Variants in GPRIN3 observed in about 807,000 individuals in gnomAD.
GPRIN3 encodes GPRIN family member 3, also known as G protein-regulated inducer of neurite outgrowth 3.
A neutral mutation model predicts 13.7 loss-of-function variants in GPRIN3; 12 were observed. The ratio of observed to expected loss-of-function variants is 0.87; its 90% confidence interval spans 0.56 to 1.42. The LOEUF (loss-of-function observed/expected upper bound fraction) is 1.42. Ranked by LOEUF, GPRIN3 falls within the 40% of genes most tolerant of loss-of-function variation. The pLI, the probability that GPRIN3 is intolerant of heterozygous loss-of-function variation, is 0.00. For missense variants in GPRIN3, 1,009 were observed against 958.7 expected, an observed-to-expected ratio of 1.05 and a Z score of -0.69; for synonymous variants, 377 against 372.7, an observed-to-expected ratio of 1.01 and a Z score of -0.13.
rs780712548 is a variant in GPRIN3, at chr4:89,248,614, C to T, written c.1497G>A (p.Thr499=). Residue 499 remains threonine, a synonymous_variant, in exon 2 of 2, where the codon ACG becomes ACA. Coordinates refer to ENST00000609438, the MANE Select transcript of GPRIN3 (RefSeq NM_198281.3). The stretch of plus-strand genomic sequence containing the variant: ...CTGGGTCTGTTTTGTGGCCGTTTGT[C>T]GTTTTCTCTGCAAACTCAGATGGCC... ...ETRPSEFAEK[T]TNGHKTDPDC... 4 of 1,613,932 alleles carry T rather than the reference C, an allele frequency of 2.5e-6. No individual in the cohort carries two copies. The highest frequency in any genetic ancestry group is 2.2e-5 in the East Asian group (1 of 44,890).
rs72872561 is a variant in GPRIN3 at position 89,278,860 on chromosome 4, C to A, written c.-123-28627G>T. ...CCTGTCCAAGGATCTGGGGTAGTCA[C>A]AGAATTGAGGGGAAACCTATGGAAG... On this transcript the variant is annotated intron_variant, in intron 1 of 1. Coordinates refer to ENST00000609438, the MANE Select transcript of GPRIN3 (RefSeq NM_198281.3). Among the ~76,000 whole-genome samples, 1,070 of 152,280 alleles carry A rather than the reference C, an allele frequency of 7.0e-3. 11 individuals are homozygous for A. Among genetic ancestry groups the A allele is most frequent in the African/African-American group, 0.025 (1,035 of 41,550 alleles).
Position 89,237,573 on chromosome 4 carries a change from C to T in GPRIN3, c.*10207G>A, listed in dbSNP as rs1055782534. The stretch of plus-strand genomic sequence containing the variant: ...CAGCAAACAGGCACCACACGTGAGC[C>T]GGCAAGTAGGCCCTCACCAGACACC... On this transcript the variant is annotated 3_prime_UTR_variant, in exon 2 of 2. Transcript: ENST00000609438. The T allele has an allele frequency of 6.6e-6, 1 of 152,086 alleles. No individual in the cohort carries two copies. Among genetic ancestry groups the T allele is most frequent in the Admixed American group, 6.6e-5 (1 of 15,250 alleles). The allele number at this position is 152,086 out of a possible 1,614,324, so 9.4% of individuals were successfully genotyped here.
chr4:89,306,661 T>G (rs759832614), intron 1 of GPRIN3, among the ~76,000 whole-genome samples: 8 of 152,096 alleles, frequency 5.3e-5, no homozygotes, highest in Admixed American at 2.6e-4. Flanking sequence ...AGAGCTCTGT[T>G]TCTCCCCTCC....
rs1186090612 is a variant in GPRIN3 at position 89,240,430 on chromosome 4, G to C, written c.*7350C>G. ...CTGAGCTCAAGAGAAGAATGCCTGT[G>C]ATCATATCCACTTTGAGTGATTATA... On this transcript the variant is annotated 3_prime_UTR_variant, in exon 2 of 2. Coordinates refer to ENST00000609438, the MANE Select transcript of GPRIN3 (RefSeq NM_198281.3). The C allele has an allele frequency of 1.3e-5, 2 of 152,066 alleles. No individual in the cohort carries two copies. Among genetic ancestry groups the C allele is most frequent in the Non-Finnish European group, 2.9e-5 (2 of 68,008 alleles). The allele number at this position is 152,066 out of a possible 1,614,324, so 9.4% of individuals were successfully genotyped here. A position where few individuals can be genotyped will look rare whatever the true frequency, so the allele number is the denominator to read the frequency against.
intron 1 of GPRIN3, among the ~76,000 whole-genome samples, chr4:89,262,394 G>A (rs979237201): frequency 2.0e-5 from 3 of 151,920 alleles, no homozygotes; most frequent in Non-Finnish European, 2.9e-5. Context: ...AACATTTTTC[G>A]CTTAGTATCC....
At chr4:89,282,135 T>C (rs186580169) in intron 1 of GPRIN3, among the ~76,000 whole-genome samples, 12 of 152,268 alleles carry the variant, frequency 7.9e-5, no homozygotes, top group Non-Finnish European at 1.8e-4. Context: ...GTATAATGCA[T>C]TGCCAACAAA....
intron 1 of GPRIN3, among the ~76,000 whole-genome samples, chr4:89,268,129 A>G (rs1023446924): frequency 6.6e-6 from 1 of 152,198 alleles, no homozygotes; most frequent in African/African-American, 2.4e-5. Flanking sequence ...GTTTTCCAAC[A>G]GACCAGTGAA....
intron 1 of GPRIN3, among the ~76,000 whole-genome samples, chr4:89,302,104 C>G (rs112902369): frequency 2.0e-5 from 3 of 152,294 alleles, no homozygotes; most frequent in African/African-American, 7.2e-5. Context: ...ATTTCTGCTA[C>G]GCTAGACCCT....
chr4:89,273,151 T>C (rs977246829), intron 1 of GPRIN3, among the ~76,000 whole-genome samples: 1 of 152,228 alleles, frequency 6.6e-6, no homozygotes, highest in South Asian at 2.1e-4. Context: ...ACCCCAGTTA[T>C]AGCTTTAATG....
intron 1 of GPRIN3, chr4:89,251,029 A>G (rs1342262071): frequency 6.6e-6 from 1 of 152,176 alleles, no homozygotes; most frequent in Admixed American, 6.5e-5. Flanking sequence ...TATAAAAAAT[A>G]CAAGATTTTG....
chr4:89,240,801 T>C lies in GPRIN3; in HGVS notation c.*6979A>G, dbSNP rs1346035628. The C allele has an allele frequency of 6.6e-6, 1 of 152,208 alleles. No homozygotes were observed. The highest frequency in any genetic ancestry group is 2.4e-5 in the African/African-American group (1 of 41,460). The allele number at this position is 152,208 out of a possible 1,614,324, so 9.4% of individuals were successfully genotyped here. A position where few individuals can be genotyped will look rare whatever the true frequency, so the allele number is the denominator to read the frequency against. On this transcript the variant is annotated 3_prime_UTR_variant, in exon 2 of 2. Transcript: ENST00000609438. The stretch of plus-strand genomic sequence containing the variant: ...TTCAATTAGTGGTTTTAATTTGTGA[T>C]TTATCTGAATATACTAGTATAAATA...
intron 1 of GPRIN3, among the ~76,000 whole-genome samples, chr4:89,269,919 TC>T (rs1723881914): frequency 6.6e-6 from 1 of 152,228 alleles, no homozygotes; most frequent in Non-Finnish European, 1.5e-5. Context: ...AGAATAAATG[TC>T]CTTTTAACTT....
chr4:89,273,471 G>A lies in GPRIN3; in HGVS notation c.-123-23238C>T, dbSNP rs543480136. ...CCAAGGTGGGTGGATCACGAGGTCA[G>A]GAGTTCAAGACCAGTTCAAGACCTG... On this transcript the variant is annotated intron_variant, in intron 1 of 1. Transcript: ENST00000609438. 2.0e-5 allele frequency among the ~76,000 whole-genome samples: 3 copies of A among 152,286 alleles called. No individual in the cohort carries two copies. The South Asian group carries it at 6.2e-4, about 32-fold the overall frequency.
In GPRIN3 at chr4:89,264,948, T is replaced by C. The variant is rs146024516; in HGVS notation, c.-123-14715A>G. On this transcript the variant is annotated intron_variant, in intron 1 of 1. Transcript: ENST00000609438. Reference sequence around the variant, plus strand: ...TGTCTTTTTTTGCTCATTGATACCCTAAGTGCCTAGATCAGGGAACAGCCC... The same window carrying C: ...TGTCTTTTTTTGCTCATTGATACCCCAAGTGCCTAGATCAGGGAACAGCCC... Among the ~76,000 whole-genome samples the C allele has an allele frequency of 8.6e-4, 131 of 152,314 alleles. 1 individual carries two copies. The highest frequency in any genetic ancestry group is 3.0e-3 in the African/African-American group (125 of 41,572).
chr4:89,301,871 C>A (rs1223458036), intron 1 of GPRIN3, among the ~76,000 whole-genome samples: 1 of 152,148 alleles, frequency 6.6e-6, no homozygotes, highest in African/African-American at 2.4e-5. Flanking sequence ...CCCAGAGATG[C>A]CTGACATTGT....
At position 89,249,483 on chromosome 4, in the gene GPRIN3, T is replaced by C. The variant is rs770979295; in HGVS notation, c.628A>G (p.Ser210Gly). Residue 210 changes from serine (S) to glycine (G), a missense_variant, in exon 2 of 2, where the codon AGT becomes GGT. Physicochemically the swap from Ser to Gly is moderately conservative, Grantham distance 56 (BLOSUM62 0). Transcript: ENST00000609438. ...CCACCTACAGGAGAGGATGAGTGAC[T>C]GACCACCCTGGCTGCTGTCACTGGA... ...QTPVTAARVV[S>G]HSSSPVGGPE... is the part of the protein sequence containing the mutation. The C allele has an allele frequency of 1.9e-6, 3 of 1,614,138 alleles. No individual in the cohort carries two copies. The highest frequency in any genetic ancestry group is 2.5e-6 in the Non-Finnish European group (3 of 1,180,020).
In GPRIN3 at chr4:89,249,430, G is replaced by A. The variant is rs200125932; in HGVS notation, c.681C>T (p.Ile227=). 8.0e-5 allele frequency: 129 copies of A among 1,614,152 alleles called. No homozygotes were observed. The highest frequency in any genetic ancestry group is 6.6e-4 in the Middle Eastern group (4 of 6,062). The change falls in exon 2 of 2, where the codon ATC becomes ATT. Residue 227 remains isoleucine (I), a synonymous_variant. Transcript: ENST00000609438. ...TACAGGACCTCATTTCAGAGTCACAGATGGCTCCCTGCCTTTCCCCTTCAG... is the reference window on the plus strand; with the variant it reads ...TACAGGACCTCATTTCAGAGTCACAAATGGCTCCCTGCCTTTCCCCTTCAG... ...GGPEGERQGA[I]CDSEMRSCKP... is the part of the protein sequence containing the mutation.
chr4:89,263,237 A>C (rs553453986), intron 1 of GPRIN3, among the ~76,000 whole-genome samples: 1 of 152,204 alleles, frequency 6.6e-6, no homozygotes, highest in African/African-American at 2.4e-5. Flanking sequence ...AAAAATTTTA[A>C]TCGTTCCCCA....
chr4:89,266,952 T>G (rs1185943561), intron 1 of GPRIN3, among the ~76,000 whole-genome samples: 1 of 152,202 alleles, frequency 6.6e-6, no homozygotes, highest in East Asian at 1.9e-4. Flanking sequence ...TGCTATAGGC[T>G]GCAATAAATT....
Sources: gnomAD v4.1 joint callset for allele counts (sites outside exome capture counted in the v4.1 genomes callset) on GRCh38, gnomAD v4.1.1 for gene constraint, MANE v1.5 for transcripts, NCBI Gene and HGNC (gene_info 2026-07-23, HGNC 2026-07-21) for gene names.